Variants in AFF3 observed in about 807,000 individuals in gnomAD.
AFF3 encodes the protein ALF transcription elongation factor 3, also known as AF4/FMR2 family member 3.
Under a neutral mutation model 129.7 loss-of-function variants are expected in AFF3, and 32 were observed. The ratio of observed to expected loss-of-function variants is 0.25; its 90% confidence interval spans 0.19 to 0.33. AFF3 has a LOEUF of 0.33. Among genes scored for constraint, AFF3 ranks in the 10% least tolerant of loss-of-function variants. The pLI is 1.00. For synonymous variants in AFF3, 644 were observed against 635.4 expected, an observed-to-expected ratio of 1.01 and a Z score of -0.20; for missense variants, 1,373 against 1,592.0, an observed-to-expected ratio of 0.86 and a Z score of 2.34.
intron 8 of AFF3, among the ~76,000 whole-genome samples, chr2:99,816,963 G>A (rs1687285284): frequency 6.6e-6 from 1 of 152,172 alleles, no homozygotes; most frequent in Non-Finnish European, 1.5e-5. Flanking sequence ...AGGAATGACA[G>A]GGAATATGAT....
intron 8 of AFF3, among the ~76,000 whole-genome samples, chr2:99,813,160 CAT>C (rs58814410): frequency 0.11 from 16,163 of 152,098 alleles, 1,000 homozygotes; most frequent in Admixed American, 0.2. Flanking sequence ...AGTAGGTACA[CAT>C]GACAGGGTTG....
chr2:99,604,516 AATGGGTAC>A (rs2105116692), intron 13 of AFF3, among the ~76,000 whole-genome samples: 1 of 152,110 alleles, frequency 6.6e-6, no homozygotes, highest in African/African-American at 2.4e-5. Flanking sequence ...AAAAATAACT[AATGGGTAC>A]AGGCTTAATA....
chr2:100,029,067 T>C (rs1002399923), intron 4 of AFF3, among the ~76,000 whole-genome samples: 1 of 152,168 alleles, frequency 6.6e-6, no homozygotes, highest in Non-Finnish European at 1.5e-5. Flanking sequence ...ACTCATAGAA[T>C]GGAATATTAT....
intron 7 of AFF3, among the ~76,000 whole-genome samples, chr2:99,907,156 G>A (rs76058546): frequency 0.026 from 3,943 of 152,086 alleles, 164 homozygotes; most frequent in African/African-American, 0.088. Context: ...TGTAAGCTGG[G>A]CCTCTTTTTA....
At chr2:99,654,859 A>G (rs1443610096) in intron 12 of AFF3, among the ~76,000 whole-genome samples, 3 of 152,210 alleles carry the variant, frequency 2.0e-5, no homozygotes, top group Non-Finnish European at 2.9e-5. Context: ...GAACACAATC[A>G]GTAGATATTC....
chr2:99,943,275 G>A (rs1469954829), intron 7 of AFF3, among the ~76,000 whole-genome samples: 9 of 152,194 alleles, frequency 5.9e-5, no homozygotes, highest in Non-Finnish European at 1.0e-4. Context: ...GGTCCCATGC[G>A]AGGGTCCATG....
chr2:99,552,833 A>C (rs563913907), intron 24 of AFF3, among the ~76,000 whole-genome samples: 1 of 152,330 alleles, frequency 6.6e-6, no homozygotes, highest in East Asian at 1.9e-4. Flanking sequence ...CAGTCTCCCA[A>C]ACTGGACACG....
intron 11 of AFF3, among the ~76,000 whole-genome samples, chr2:99,710,664 C>T (rs1409037237): frequency 1.3e-5 from 2 of 152,124 alleles, no homozygotes; most frequent in Non-Finnish European, 2.9e-5. Flanking sequence ...TTTTTTGACA[C>T]AAAAAGGTGA....
chr2:99,971,717 T>C (rs1179891638), intron 7 of AFF3, among the ~76,000 whole-genome samples: 1 of 152,144 alleles, frequency 6.6e-6, no homozygotes, highest in Admixed American at 6.6e-5. Context: ...GCATTTTGGT[T>C]TAAATAATGA....
At chr2:99,564,426 G>A (rs567445337) in intron 20 of AFF3, among the ~76,000 whole-genome samples, 2 of 152,272 alleles carry the variant, frequency 1.3e-5, no homozygotes, top group South Asian at 4.1e-4. Context: ...ACTACTGAAA[G>A]TAATGTGCCA....
In AFF3 at chr2:99,546,590, G is replaced by A. The variant is rs1674079746; in HGVS notation, c.*4884C>T. The A allele has an allele frequency of 4.3e-6, 1 of 232,794 alleles. No homozygotes were observed. Among genetic ancestry groups the A allele is most frequent in the African/African-American group, 2.2e-5 (1 of 45,416 alleles). 14.4% of individuals were successfully genotyped at this position (232,794 alleles called of 1,614,324 possible). Reference sequence around the variant, plus strand: ...TTGCTGTTTCTGCTTCTTTAGTTTGGGGAGGAGGATAAGGAAAAGGGTTGG... The same window carrying A: ...TTGCTGTTTCTGCTTCTTTAGTTTGAGGAGGAGGATAAGGAAAAGGGTTGG... On this transcript the variant is annotated 3_prime_UTR_variant, in exon 25 of 25. Transcript: ENST00000672756.
At chr2:100,049,988 C>G (rs1461122740) in intron 4 of AFF3, among the ~76,000 whole-genome samples, 2 of 152,070 alleles carry the variant, frequency 1.3e-5, no homozygotes, top group Admixed American at 1.3e-4. Flanking sequence ...CTGAGGTGGA[C>G]AAACCACGAG....
chr2:99,626,506 C>A (rs1682595819), intron 13 of AFF3, among the ~76,000 whole-genome samples: 1 of 116,712 alleles, frequency 8.6e-6, no homozygotes, highest in Non-Finnish European at 1.8e-5. Context: ...CCTTCCCTTC[C>A]CTTTCCCCTT....
At chr2:100,037,982 T>G (rs917045126) in intron 4 of AFF3, among the ~76,000 whole-genome samples, 1 of 151,278 alleles carries the variant, frequency 6.6e-6, no homozygotes, top group African/African-American at 2.4e-5. Context: ...TGGATTTGGA[T>G]CTCTGCAGAC....
At chr2:99,675,461 C>T (rs192201840) in intron 11 of AFF3, among the ~76,000 whole-genome samples, 9 of 152,306 alleles carry the variant, frequency 5.9e-5, no homozygotes, top group East Asian at 1.9e-4. Context: ...CCAGGCTCCC[C>T]GCGGTCTGAG....
chr2:99,565,632 C>T lies in AFF3; in HGVS notation c.2983-9G>A, dbSNP rs759773877. 1.2e-6 allele frequency: 2 copies of T among 1,613,646 alleles called. No homozygotes were observed. Among genetic ancestry groups the T allele is most frequent in the Admixed American group, 1.7e-5 (1 of 60,016 alleles). On this transcript the variant is annotated splice_polypyrimidine_tract_variant and intron_variant, in intron 19 of 24. Transcript: ENST00000672756. The stretch of plus-strand genomic sequence containing the variant: ...TTTCCAAACTTTTCCACCTGATCAA[C>T]AGAGTTAATACAGTGTCTTCCTAAA...
At chr2:99,715,963 C>A (rs567024034) in intron 11 of AFF3, among the ~76,000 whole-genome samples, 2 of 152,122 alleles carry the variant, frequency 1.3e-5, no homozygotes, top group African/African-American at 4.8e-5. Context: ...TGAGCCACTG[C>A]GCTCAGCCTC....
intron 11 of AFF3, chr2:99,707,797 T>G (rs1490094923): frequency 2.8e-6 from 1 of 355,836 alleles, no homozygotes; most frequent in East Asian, 1.7e-4. Context: ...ATTTCTTTCT[T>G]GCAAAATTTA....
chr2:100,025,265 A>T (rs1683942828), intron 4 of AFF3, among the ~76,000 whole-genome samples: 2 of 152,082 alleles, frequency 1.3e-5, no homozygotes, highest in Admixed American at 1.3e-4. Context: ...CACCAAGCAG[A>T]CAGTCAAATC....
Sources: allele counts gnomAD v4.1 joint callset (sites outside exome capture counted in the v4.1 genomes callset), GRCh38; gene constraint gnomAD v4.1.1; transcripts MANE v1.5; gene names NCBI Gene and HGNC (gene_info 2026-07-23, HGNC 2026-07-21).